EYS: variants seen among roughly 807,000 people sequenced by gnomAD.
The protein encoded by EYS is protein eyes shut homolog.
A neutral mutation model predicts 282.1 loss-of-function variants in EYS; 250 were observed. The observed-to-expected ratio is 0.89, with a 90% CI of 0.80 to 0.98. The LOEUF (loss-of-function observed/expected upper bound fraction) is 0.98. Among genes scored for constraint, EYS ranks in the 50% least tolerant of loss-of-function variants. The pLI, the probability that EYS is intolerant of heterozygous loss-of-function variation, is 0.00. For synonymous variants in EYS, 1,355 were observed against 1,282.9 expected (o/e 1.06, Z -1.20); for missense variants, 4,016 against 3,709.0 (o/e 1.08, Z -2.15).
intron 1 of EYS, among the ~76,000 whole-genome samples, chr6:65,677,292 T>A (rs111825355): frequency 2.0e-5 from 3 of 151,738 alleles, no homozygotes; most frequent in Admixed American, 1.3e-4. Flanking sequence ...TATATTCACA[T>A]AGGATATGAC....
chr6:65,363,262 C>G (rs187344146), intron 8 of EYS, among the ~76,000 whole-genome samples: 4 of 151,946 alleles, frequency 2.6e-5, no homozygotes, highest in African/African-American at 4.8e-5. Context: ...TTATTTCATT[C>G]TTCTATCAAA....
intron 26 of EYS, among the ~76,000 whole-genome samples, chr6:64,495,369 T>C (rs1229245710): frequency 2.6e-5 from 4 of 151,828 alleles, no homozygotes; most frequent in Admixed American, 6.6e-5. Flanking sequence ...CAACTTGGAC[T>C]TGGAAGATGA....
chr6:65,229,421 CAA>C (rs919803056), intron 12 of EYS, among the ~76,000 whole-genome samples: 8 of 150,980 alleles, frequency 5.3e-5, no homozygotes, highest in Admixed American at 5.3e-4. Context: ...GAGCATGGAA[CAA>C]AAAAGAGCTT....
chr6:65,165,288 GTT>G (rs67506368), intron 12 of EYS, among the ~76,000 whole-genome samples: 6,849 of 138,830 alleles, frequency 0.049, 291 homozygotes, highest in African/African-American at 0.12. Context: ...AGTTTTCTTT[GTT>G]TTTTTTTTTT....
At chr6:65,043,194 C>T (rs1772991145) in intron 13 of EYS, among the ~76,000 whole-genome samples, 1 of 151,568 alleles carries the variant, frequency 6.6e-6, no homozygotes, top group Non-Finnish European at 1.5e-5. Flanking sequence ...TCTATTACTT[C>T]ATTTATCATT....
At chr6:63,988,190 G>A (rs1259368219) in intron 34 of EYS, among the ~76,000 whole-genome samples, 2 of 151,534 alleles carry the variant, frequency 1.3e-5, no homozygotes, top group Admixed American at 6.6e-5. Context: ...TAAGATAAGT[G>A]ATCCACTGTT....
intron 30 of EYS, among the ~76,000 whole-genome samples, chr6:64,242,443 TTTG>T (rs977596920): frequency 2.0e-5 from 3 of 152,060 alleles, no homozygotes; most frequent in Non-Finnish European, 2.9e-5. Flanking sequence ...CTAAGTTTTT[TTTG>T]TTGTTGTTGT....
At chr6:65,037,800 C>T (rs1457131493) in intron 13 of EYS, among the ~76,000 whole-genome samples, 1 of 151,626 alleles carries the variant, frequency 6.6e-6, no homozygotes, top group African/African-American at 2.4e-5. Flanking sequence ...ATCCAATCAT[C>T]CAAAGTGTTA....
At chr6:64,105,640 A>G (rs1248304477) in intron 31 of EYS, among the ~76,000 whole-genome samples, 1 of 151,926 alleles carries the variant, frequency 6.6e-6, no homozygotes, top group South Asian at 2.1e-4. Context: ...TTTCTCTTTC[A>G]CTATAGTTTT....
intron 31 of EYS, among the ~76,000 whole-genome samples, chr6:64,141,844 A>T (rs973464411): frequency 6.6e-6 from 1 of 152,146 alleles, no homozygotes; most frequent in Non-Finnish European, 1.5e-5. Flanking sequence ...TCTAGTTTGC[A>T]TACTTGCCGC....
intron 39 of EYS, among the ~76,000 whole-genome samples, chr6:63,785,159 G>A (rs1279296982): frequency 6.6e-6 from 1 of 152,162 alleles, no homozygotes; most frequent in Non-Finnish European, 1.5e-5. Context: ...AAAGAAATAA[G>A]TAAAGAAGTA....
At chr6:63,980,747 G>C (rs1287964651) in intron 35 of EYS, among the ~76,000 whole-genome samples, 1 of 151,826 alleles carries the variant, frequency 6.6e-6, no homozygotes, top group Non-Finnish European at 1.5e-5. Flanking sequence ...ACTCTGCCTA[G>C]ATGGGCTCAG....
chr6:63,762,584 A>T lies in EYS; in HGVS notation c.7948T>A (p.Ser2650Thr). 6.4e-7 allele frequency: 1 copy of T among 1,550,412 alleles called. No individual in the cohort carries two copies. The highest frequency in any genetic ancestry group is 8.7e-7 in the Non-Finnish European group (1 of 1,146,114). The change falls in exon 41 of 43, where the codon TCT (serine) becomes ACT (threonine). Residue 2650 changes from serine (S) to threonine (T), a missense_variant. By Grantham distance (58) the Ser-to-Thr change is moderately conservative. Coordinates refer to ENST00000503581, the MANE Select transcript of EYS (RefSeq NM_001142800.2). ...WKGSFCTETV[S>T]TCDPEHDPPH... is the part of the protein sequence containing the mutation. ...GGGTCATGTTCAGGATCACAGGTAG[A>T]AACTGTCTCTGTGCAGAATGATCCT...
At chr6:65,137,745 A>AC (rs1235544122) in intron 12 of EYS, among the ~76,000 whole-genome samples, 2 of 152,072 alleles carry the variant, frequency 1.3e-5, no homozygotes, top group African/African-American at 4.8e-5. Context: ...GCATTTGTGT[A>AC]TTGAAAGAGA....
At chr6:65,322,922 A>G (rs1270160294) in intron 11 of EYS, among the ~76,000 whole-genome samples, 1 of 151,586 alleles carries the variant, frequency 6.6e-6, no homozygotes, top group Non-Finnish European at 1.5e-5. Flanking sequence ...ACATCCTGCT[A>G]TTTAATTTGC....
intron 21 of EYS, among the ~76,000 whole-genome samples, chr6:64,820,614 C>T (rs1236006586): frequency 6.6e-6 from 1 of 152,050 alleles, no homozygotes; most frequent in Non-Finnish European, 1.5e-5. Context: ...AGAAAATGTG[C>T]TAATTGTTTT....
chr6:65,009,018 T>C (rs535531271), intron 13 of EYS, among the ~76,000 whole-genome samples: 32 of 152,120 alleles, frequency 2.1e-4, no homozygotes, highest in Non-Finnish European at 4.3e-4. Flanking sequence ...AATCCCTTGT[T>C]AGGGAGAGAC....
intron 35 of EYS, among the ~76,000 whole-genome samples, chr6:63,962,843 A>G (rs558917750): frequency 3.9e-5 from 6 of 152,296 alleles, no homozygotes; most frequent in African/African-American, 1.4e-4. Context: ...ACGATAGCAA[A>G]GACTTGGAAC....
chr6:64,338,441 T>A (rs598559), intron 29 of EYS, among the ~76,000 whole-genome samples: 108,900 of 151,686 alleles, frequency 0.72, 39,277 homozygotes, highest in African/African-American at 0.79. Context: ...AAAAACCTCC[T>A]CAAGGAAAAC....
Sources: gnomAD v4.1 joint callset for allele counts (sites outside exome capture counted in the v4.1 genomes callset) on GRCh38, gnomAD v4.1.1 for gene constraint, MANE v1.5 for transcripts, NCBI Gene and HGNC (gene_info 2026-07-23, HGNC 2026-07-21) for gene names.